ARID3B: variants seen among roughly 807,000 people sequenced by gnomAD.
ARID3B encodes the protein AT-rich interactive domain-containing protein 3B.
ARID3B carries 10 observed loss-of-function variants against 51.9 expected under a neutral mutation model. The ratio of observed to expected loss-of-function variants is 0.19; its 90% CI spans 0.12 to 0.33. ARID3B has a LOEUF of 0.33. Ranked by LOEUF, ARID3B falls within the 10% of genes least tolerant of loss-of-function variation. ARID3B has a pLI of 1.00. For missense variants in ARID3B, 483 were observed against 716.3 expected (o/e 0.67, Z 3.72); for synonymous variants, 205 against 279.5 (o/e 0.73, Z 2.66).
chr15:74,572,718 C>A, intron 2 of ARID3B, 144 bp from the exon 3 acceptor site: 2 of 734,972 alleles, frequency 2.7e-6, no homozygotes. Flanking sequence ...CAGAATTAGT[C>A]TTCTGAGTTG....
intron 5 of ARID3B, 50 bp downstream of exon 5, chr15:74,590,053 T>C: frequency 1.3e-6 from 2 of 1,527,926 alleles, no homozygotes; most frequent in Middle Eastern, 1.7e-4. Context: ...AGAAAGGGGA[T>C]GTTGTAACCT....
At chr15:74,594,278 C>A (rs935534312) in intron 8 of ARID3B, among the ~76,000 whole-genome samples, 1 of 151,990 alleles carries the variant, frequency 6.6e-6, no homozygotes, top group Non-Finnish European at 1.5e-5. Context: ...GAAACCCCGT[C>A]TCTACTAAAA....
rs1446108246 is a variant in ARID3B, at chr15:74,597,222, A to G, written c.*1448A>G. On this transcript the variant is annotated 3_prime_UTR_variant, in exon 9 of 9. Transcript: ENST00000346246. ...TCCTGGACCCTGCGCGGGAGCAGGC[A>G]GCTCCTGTGCTGTAAAGAAAATTGA... 1 of 365,354 alleles carries G rather than the reference A, an allele frequency of 2.7e-6. No homozygotes were observed. The highest frequency in any genetic ancestry group is 5.1e-5 in the East Asian group (1 of 19,518). The allele number at this position is 365,354 out of a possible 1,614,324, so 22.6% of individuals were successfully genotyped here. A position where few individuals can be genotyped will look rare whatever the true frequency, so the allele number is the denominator to read the frequency against.
At chr15:74,553,210 T>C (rs2141449539) in intron 2 of ARID3B, among the ~76,000 whole-genome samples, 1 of 152,326 alleles carries the variant, frequency 6.6e-6, no homozygotes, top group East Asian at 1.9e-4. Flanking sequence ...TTGTCCAGTT[T>C]CCCTATGGTA....
intron 2 of ARID3B, among the ~76,000 whole-genome samples, chr15:74,560,257 G>A (rs2061675212): frequency 6.6e-6 from 1 of 151,220 alleles, no homozygotes; most frequent in Non-Finnish European, 1.5e-5. Context: ...CACCTAACAG[G>A]CCTTGAGCAA....
rs1455847834 is a variant in ARID3B at position 74,591,654 on chromosome 15, ACTGGAGCAGCTGCGGGAGCGG to A, written c.1267_1287del (p.Gln423_Glu429del). The A allele has an allele frequency of 3.7e-6, 6 of 1,607,474 alleles. No individual in the cohort carries two copies. Among genetic ancestry groups the A allele is most frequent in the Non-Finnish European group, 5.1e-6 (6 of 1,177,034 alleles). On this transcript the variant is annotated inframe_deletion, in exon 7 of 9. Transcript: ENST00000346246. The surrounding 1 kb of genome is among the most constrained non-coding windows in gnomAD (Gnocchi z 5.8). ...AGCAGGCTGGTACTCGGACCGCCGC[ACTGGAGCAGCTGCGGGAGCGG>A]CTGGAGTCAGGGGAGCCTGCTGAGA... is the stretch of plus-strand genomic sequence containing the variant.
At chr15:74,550,969 C>T (rs1339884927) in intron 2 of ARID3B, among the ~76,000 whole-genome samples, 1 of 152,218 alleles carries the variant, frequency 6.6e-6, no homozygotes, top group African/African-American at 2.4e-5. Context: ...TCGTCCCTCA[C>T]ATGCAGGGGA....
At chr15:74,552,921 T>C (rs1261024250) in intron 2 of ARID3B, among the ~76,000 whole-genome samples, 2 of 152,228 alleles carry the variant, frequency 1.3e-5, no homozygotes, top group Admixed American at 6.5e-5. Flanking sequence ...TGTGTAGATA[T>C]AAGTTTCAGT....
In ARID3B at chr15:74,596,986, C is replaced by G; in HGVS notation, c.*1212C>G. On this transcript the variant is annotated 3_prime_UTR_variant, in exon 9 of 9. Transcript: ENST00000346246. ...GGCGGGGAGGTGGAGTGGAGAGGCC[C>G]GCTCTCACACCGGGTCGGGCCCTGA... 1 of 234,130 alleles carries G rather than the reference C, an allele frequency of 4.3e-6. No individual in the cohort carries two copies. Among genetic ancestry groups the G allele is most frequent in the Non-Finnish European group, 8.4e-6 (1 of 118,414 alleles). 14.5% of individuals were successfully genotyped at this position (234,130 alleles called of 1,614,324 possible). A position where few individuals can be genotyped will look rare whatever the true frequency, so the allele number is the denominator to read the frequency against.
intron 2 of ARID3B, among the ~76,000 whole-genome samples, chr15:74,558,056 C>T (rs2061665629): frequency 6.6e-6 from 1 of 151,946 alleles, no homozygotes; most frequent in Non-Finnish European, 1.5e-5. Context: ...CTCCTGACCT[C>T]ATGATCCGCC....
In ARID3B at chr15:74,591,343, C is replaced by G. The variant is rs776310617; in HGVS notation, c.1074C>G (p.Pro358=). 9.9e-6 allele frequency: 16 copies of G among 1,614,070 alleles called. No homozygotes were observed. The highest frequency in any genetic ancestry group is 1.3e-5 in the African/African-American group (1 of 75,044). The change falls in exon 6 of 9, where the codon CCC becomes CCG. Residue 358 remains proline (P), a synonymous_variant. Coordinates refer to ENST00000346246, the MANE Select transcript of ARID3B (RefSeq NM_006465.4). This position sits in a 1 kb window ranked among gnomAD's most constrained non-coding sequence, Gnocchi z 5.8. ...AAGAPALLSP[P]KIRFPILGLG... is the part of the protein sequence containing the mutation. ...GGGCCCCTGCCCTTCTCTCCCCACC[C>G]AAGATCCGCTTTCCCATCCTTGGGC...
Position 74,590,001 on chromosome 15 carries a change from G to A in ARID3B, c.879G>A (p.Thr293=), listed in dbSNP as rs1230890061. The A allele has an allele frequency of 5.6e-6, 9 of 1,608,128 alleles. No homozygotes were observed. The highest frequency in any genetic ancestry group is 7.7e-6 in the Non-Finnish European group (9 of 1,176,466). ...CCAGCGCCGCCTTCACCCTCAGGAC[G>A]CAGTGAGTGGCCAGGGCCTGGGAGA... is the stretch of plus-strand genomic sequence containing the variant. The part of the protein sequence containing the change: ...SITSAAFTLR[T]QYMKYLYAYE... The change falls in exon 5 of 9, where the codon ACG becomes ACA. Residue 293 remains threonine, a splice_region_variant and synonymous_variant. Coordinates refer to ENST00000346246, the MANE Select transcript of ARID3B (RefSeq NM_006465.4).
intron 2 of ARID3B, among the ~76,000 whole-genome samples, chr15:74,556,353 G>T (rs536865072): frequency 6.6e-6 from 1 of 152,254 alleles, no homozygotes; most frequent in Admixed American, 6.5e-5. Context: ...TATCTTATAT[G>T]GGTGTGATTC....
At chr15:74,595,371 T>C (rs1230172730) in intron 8 of ARID3B, among the ~76,000 whole-genome samples, 1 of 152,126 alleles carries the variant, frequency 6.6e-6, no homozygotes, top group Admixed American at 6.5e-5. Flanking sequence ...TGGGTACACC[T>C]TGTCTCAGAG....
At chr15:74,582,726 G>C (rs552007761) in intron 4 of ARID3B, among the ~76,000 whole-genome samples, 74 of 152,236 alleles carry the variant, frequency 4.9e-4, no homozygotes, top group African/African-American at 1.8e-3. Flanking sequence ...GCACTCCTGG[G>C]TGTATTCCCA....
rs1389295379 is a variant in ARID3B at position 74,589,747 on chromosome 15, G to A, written c.698-73G>A. ...CATTGTTTCCAGCTCGGCTAAAGGT[G>A]GGCATACACGGAATCTTTCTTCTCA... On this transcript the variant is annotated intron_variant, in intron 4 of 8. Coordinates refer to ENST00000346246, the MANE Select transcript of ARID3B (RefSeq NM_006465.4). The A allele has an allele frequency of 4.2e-6, 6 of 1,441,806 alleles. No homozygotes were observed. In the African/African-American group the frequency reaches 5.7e-5, roughly 14 times the overall value. The allele number at this position is 1,441,806 out of a possible 1,614,324, so 89.3% of individuals were successfully genotyped here. A position where few individuals can be genotyped will look rare whatever the true frequency, so the allele number is the denominator to read the frequency against.
intron 2 of ARID3B, among the ~76,000 whole-genome samples, chr15:74,568,437 A>C (rs2061707235): frequency 1.3e-5 from 2 of 152,208 alleles, no homozygotes; most frequent in South Asian, 4.1e-4. Flanking sequence ...TGGCACTGTC[A>C]CTAAGAAGCT....
At chr15:74,549,838 G>A (rs369267267) in intron 2 of ARID3B, among the ~76,000 whole-genome samples, 1 of 152,160 alleles carries the variant, frequency 6.6e-6, no homozygotes, top group Non-Finnish European at 1.5e-5. Context: ...ACTGGAGTAG[G>A]GGGCAGTGTG....
intron 2 of ARID3B, among the ~76,000 whole-genome samples, chr15:74,557,250 A>C (rs949810433): frequency 7.3e-5 from 11 of 150,578 alleles, no homozygotes; most frequent in African/African-American, 2.7e-4. Flanking sequence ...CCCTGTCTCT[A>C]CCGAAAAAAA....
Sources: allele counts gnomAD v4.1 joint callset (sites outside exome capture counted in the v4.1 genomes callset), GRCh38; gene constraint gnomAD v4.1.1; non-coding constraint Gnocchi (gnomAD v3.1); transcripts MANE v1.5; gene names NCBI Gene and HGNC (gene_info 2026-07-23, HGNC 2026-07-21).